SLC10A6: variants seen among roughly 807,000 people sequenced by gnomAD.
The protein encoded by SLC10A6 is sodium-dependent organic anion transporter.
SLC10A6 carries 27 observed loss-of-function variants against 30.0 expected under a neutral mutation model. The ratio of observed to expected loss-of-function variants is 0.90; its 90% CI spans 0.66 to 1.24. The LOEUF (loss-of-function observed/expected upper bound fraction) is 1.24. SLC10A6 is among the 50% of genes most tolerant of loss of function. The pLI is 0.00. For missense variants in SLC10A6, 439 were observed against 457.0 expected, an observed-to-expected ratio of 0.96 and a Z score of 0.36; for synonymous variants, 166 against 173.8, an observed-to-expected ratio of 0.95 and a Z score of 0.36.
rs1477662429 is a variant in SLC10A6, at chr4:86,823,545, A to G, written c.*143T>C. 7 of 666,896 alleles carry G rather than the reference A, an allele frequency of 1.0e-5. No homozygotes were observed. Among genetic ancestry groups the G allele is most frequent in the African/African-American group, 3.6e-5 (2 of 54,936 alleles). 41.3% of individuals were successfully genotyped at this position (666,896 alleles called of 1,614,324 possible). The stretch of plus-strand genomic sequence containing the variant: ...CAAAAGTGATCCCATCACAATTCAC[A>G]ATCCACATGAAAATATAAATATTCT... On this transcript the variant is annotated 3_prime_UTR_variant, in exon 6 of 6. Coordinates refer to ENST00000273905, the MANE Select transcript of SLC10A6 (RefSeq NM_197965.3).
chr4:86,846,705 G>A (rs1260514966), intron 1 of SLC10A6, among the ~76,000 whole-genome samples: 1 of 152,134 alleles, frequency 6.6e-6, no homozygotes, highest in African/African-American at 2.4e-5. Flanking sequence ...CAGCCTGGGC[G>A]ACAAGAGTGA....
intron 1 of SLC10A6, among the ~76,000 whole-genome samples, chr4:86,847,958 T>G (rs770753406): frequency 3.3e-5 from 5 of 152,188 alleles, no homozygotes; most frequent in Non-Finnish European, 5.9e-5. Context: ...ATGCTCTTTT[T>G]TTCCCCCATC....
At chr4:86,844,761 G>A (rs1270467490) in intron 1 of SLC10A6, among the ~76,000 whole-genome samples, 1 of 152,172 alleles carries the variant, frequency 6.6e-6, no homozygotes, top group Non-Finnish European at 1.5e-5. Flanking sequence ...ATTTATAAAG[G>A]AAAGGGATTT....
intron 1 of SLC10A6, among the ~76,000 whole-genome samples, chr4:86,846,589 G>A (rs908377505): frequency 2.6e-5 from 4 of 152,078 alleles, no homozygotes; most frequent in Non-Finnish European, 4.4e-5. Flanking sequence ...GCACGGTGGT[G>A]GGTACGGGTA....
intron 1 of SLC10A6, among the ~76,000 whole-genome samples, chr4:86,834,940 T>C (rs1316945170): frequency 6.6e-6 from 1 of 152,134 alleles, no homozygotes; most frequent in Admixed American, 6.5e-5. Context: ...CCAGATCTCA[T>C]GTGAACTAAC....
Position 86,831,778 on chromosome 4 carries a change from A to G in SLC10A6, c.585+14T>C. On this transcript the variant is annotated intron_variant, in intron 3 of 5. Transcript: ENST00000273905. The stretch of plus-strand genomic sequence containing the variant: ...GTCTGAGGACGTGCCAACAGTGGCC[A>G]TGAAGTCACTCACCTTGAGAATGAT... 6.2e-7 allele frequency: 1 copy of G among 1,607,638 alleles called. No individual in the cohort carries two copies. Among genetic ancestry groups the G allele is most frequent in the Non-Finnish European group, 8.5e-7 (1 of 1,175,618 alleles).
chr4:86,832,375 T>C (rs1746093926), intron 2 of SLC10A6, among the ~76,000 whole-genome samples: 3 of 151,814 alleles, frequency 2.0e-5, no homozygotes, highest in Non-Finnish European at 4.4e-5. Flanking sequence ...GAGGCCAAGG[T>C]GGGTGGACTG....
intron 2 of SLC10A6, among the ~76,000 whole-genome samples, chr4:86,832,470 G>GT (rs924234579): frequency 6.6e-6 from 1 of 152,004 alleles, no homozygotes; most frequent in Non-Finnish European, 1.5e-5. Flanking sequence ...AGCCGGGTGT[G>GT]GTGGCCTGCA....
chr4:86,833,206 C>G, intron 2 of SLC10A6, 100 bp downstream of exon 2: 1 of 926,818 alleles, frequency 1.1e-6, no homozygotes, highest in Non-Finnish European at 1.7e-6. Flanking sequence ...TTAAGTACTA[C>G]CAAAAAAATC....
intron 1 of SLC10A6, among the ~76,000 whole-genome samples, chr4:86,843,858 C>T (rs7663218): frequency 0.36 from 54,014 of 151,762 alleles, 11,652 homozygotes; most frequent in African/African-American, 0.61. Context: ...CAACAGCTCA[C>T]GATGTAGGAA....
intron 1 of SLC10A6, among the ~76,000 whole-genome samples, chr4:86,844,126 C>T (rs1290391090): frequency 6.6e-6 from 1 of 151,892 alleles, no homozygotes; most frequent in African/African-American, 2.4e-5. Flanking sequence ...TGCAGTGAGC[C>T]GAGATCACGC....
chr4:86,825,286 TC>T, intron 5 of SLC10A6, 133 bp downstream of exon 5: 1 of 738,034 alleles, frequency 1.4e-6, no homozygotes, highest in Non-Finnish European at 2.1e-6. Context: ...TGCCTTATCG[TC>T]CCCAGAAATG....
chr4:86,841,493 T>C (rs1445376809), intron 1 of SLC10A6, among the ~76,000 whole-genome samples: 2 of 152,180 alleles, frequency 1.3e-5, no homozygotes, highest in Non-Finnish European at 2.9e-5. Context: ...TTTTCATGTA[T>C]AGGAAAATTT....
In SLC10A6 at chr4:86,825,495, G is replaced by C; in HGVS notation, c.844C>G (p.His282Asp). The C allele has an allele frequency of 1.2e-6, 2 of 1,613,096 alleles. No homozygotes were observed. Among genetic ancestry groups the C allele is most frequent in the Non-Finnish European group, 1.7e-6 (2 of 1,179,182 alleles). Reference protein sequence around the residue: ...TMLQLSFTAEHLVQMLSFPLA... With the variant: ...TMLQLSFTAEDLVQMLSFPLA... ...GGGAAACTCAACATCTGGACCAAGT[G>C]CTCAGCAGTGAAAGATAACTGGAGC... Residue 282 changes from histidine (H) to aspartate (D), a missense_variant, in exon 5 of 6, where the codon CAC becomes GAC. Coordinates refer to ENST00000273905, the MANE Select transcript of SLC10A6 (RefSeq NM_197965.3).
At chr4:86,837,292 AGGAAGGAAGGAAGG>A (rs745940146) in intron 1 of SLC10A6, among the ~76,000 whole-genome samples, 11 of 81,900 alleles carry the variant, frequency 1.3e-4, no homozygotes, top group Non-Finnish European at 2.2e-4. Context: ...AGAAAAAGAA[AGGAAGGAAGGAAGG>A]AAGGAAGGAA....
Position 86,848,904 on chromosome 4 carries a change from C to T in SLC10A6, c.212G>A (p.Gly71Glu). 6.2e-7 allele frequency: 1 copy of T among 1,614,202 alleles called. No individual in the cohort carries two copies. The highest frequency in any genetic ancestry group is 8.5e-7 in the Non-Finnish European group (1 of 1,180,030). Residue 71 changes from glycine to glutamate, a missense_variant, in exon 1 of 6, where the codon GGA becomes GAA. By Grantham distance (98) the Gly-to-Glu change is moderately conservative. Transcript: ENST00000273905. ...CATGAGCCCAAACTGGCAGAGCAGTCCCACAGCAATGCCCCAGGGTCTCCT... is the reference window on the plus strand; with the variant it reads ...CATGAGCCCAAACTGGCAGAGCAGTTCCACAGCAATGCCCCAGGGTCTCCT... Reference protein sequence around the residue: ...HIRRPWGIAVGLLCQFGLMPF... With the variant: ...HIRRPWGIAVELLCQFGLMPF...
rs1244839513 is a variant in SLC10A6, at chr4:86,823,561, T to C, written c.*127A>G. On this transcript the variant is annotated 3_prime_UTR_variant, in exon 6 of 6. Transcript: ENST00000273905. ...ACAATTCACAATCCACATGAAAATATAAATATTCTAACATTGAACACTTAA... is the reference window on the plus strand; with the variant it reads ...ACAATTCACAATCCACATGAAAATACAAATATTCTAACATTGAACACTTAA... 6 of 720,434 alleles carry C rather than the reference T, an allele frequency of 8.3e-6. No individual in the cohort carries two copies. Among genetic ancestry groups the C allele is most frequent in the Non-Finnish European group, 1.1e-5 (5 of 458,992 alleles). 44.6% of individuals were successfully genotyped at this position (720,434 alleles called of 1,614,324 possible). A position where few individuals can be genotyped will look rare whatever the true frequency, so the allele number is the denominator to read the frequency against.
intron 1 of SLC10A6, among the ~76,000 whole-genome samples, chr4:86,838,949 C>T (rs186239302): frequency 6.7e-6 from 1 of 150,236 alleles, no homozygotes; most frequent in East Asian, 1.9e-4. Context: ...ATGCTCTTCC[C>T]AGACAAAAGC....
At chr4:86,841,632 A>G (rs1746291792) in intron 1 of SLC10A6, among the ~76,000 whole-genome samples, 1 of 152,140 alleles carries the variant, frequency 6.6e-6, no homozygotes, top group South Asian at 2.1e-4. Context: ...TCAGTCTTGA[A>G]CCCTCCCTTA....
Sources: allele counts gnomAD v4.1 joint callset (sites outside exome capture counted in the v4.1 genomes callset), GRCh38; gene constraint gnomAD v4.1.1; transcripts MANE v1.5; gene names NCBI Gene and HGNC (gene_info 2026-07-23, HGNC 2026-07-21).